SLC7A8: variants seen among roughly 807,000 people sequenced by gnomAD.
SLC7A8 encodes solute carrier family 7 member 8.
In SLC7A8, 30 loss-of-function variants were observed where a neutral mutation model predicts 51.2. That is an observed-to-expected ratio of 0.59 (90% CI 0.44 to 0.80). The LOEUF (loss-of-function observed/expected upper bound fraction) is 0.80, where lower values mean the gene tolerates loss of function less well. Ranked by LOEUF, SLC7A8 falls within the 30% of genes least tolerant of loss-of-function variation. The probability of loss-of-function intolerance (pLI) is 0.00; values close to 1 mark genes in which losing one functional copy is unlikely to be tolerated. For synonymous variants in SLC7A8, 257 were observed against 275.8 expected (o/e 0.93, Z 0.67); for missense variants, 612 against 674.4 (o/e 0.91, Z 1.03).
chr14:23,144,994 G>A (rs564078464), intron 3 of SLC7A8, among the ~76,000 whole-genome samples: 5 of 149,106 alleles, frequency 3.4e-5, no homozygotes, highest in South Asian at 4.2e-4. Flanking sequence ...GTGCAGTGGC[G>A]CGATCTCGGC....
intron 3 of SLC7A8, chr14:23,155,374 C>T (rs8011016): frequency 0.78 from 1,162,947 of 1,498,312 alleles, 455,439 homozygotes; most frequent in East Asian, 0.92. Flanking sequence ...CCCCTCCTCC[C>T]TTCCTGGCTC....
In SLC7A8 at chr14:23,127,084, G is replaced by C; in HGVS notation, c.*93C>G. 6.9e-7 allele frequency: 1 copy of C among 1,442,042 alleles called. No homozygotes were observed. The highest frequency in any genetic ancestry group is 9.6e-7 in the Non-Finnish European group (1 of 1,039,462). 89.3% of individuals were successfully genotyped at this position (1,442,042 alleles called of 1,614,324 possible). Reference sequence around the variant, plus strand: ...ACTGCCTGACAAAAGCAGAGAGAGGGGTGTGTGTGTACTCGCATGTGTTGG... The same window carrying C: ...ACTGCCTGACAAAAGCAGAGAGAGGCGTGTGTGTGTACTCGCATGTGTTGG... On this transcript the variant is annotated 3_prime_UTR_variant, in exon 11 of 11. Transcript: ENST00000316902.
chr14:23,127,665 C>T (rs149382537), intron 10 of SLC7A8, among the ~76,000 whole-genome samples: 1 of 152,194 alleles, frequency 6.6e-6, no homozygotes, highest in Non-Finnish European at 1.5e-5. Flanking sequence ...TTTTTAATAA[C>T]AGAGATGGAG....
chr14:23,143,962 C>G (rs2140315880), intron 3 of SLC7A8, among the ~76,000 whole-genome samples: 1 of 152,368 alleles, frequency 6.6e-6, no homozygotes. Context: ...GAGATCTACT[C>G]ATGTTGTTGC....
intron 1 of SLC7A8, among the ~76,000 whole-genome samples, chr14:23,169,788 T>C (rs2048967440): frequency 6.6e-6 from 1 of 152,212 alleles, no homozygotes; most frequent in Non-Finnish European, 1.5e-5. Context: ...GGTATTATTA[T>C]CCCTATTTTA....
At chr14:23,180,933 A>G (rs1877145490) in intron 1 of SLC7A8, among the ~76,000 whole-genome samples, 1 of 152,158 alleles carries the variant, frequency 6.6e-6, no homozygotes, top group African/African-American at 2.4e-5. Context: ...AGGCTGAGGC[A>G]GGAGAATGGC....
At chr14:23,156,016 G>A (rs1273395208) in intron 3 of SLC7A8, among the ~76,000 whole-genome samples, 4 of 126,814 alleles carry the variant, frequency 3.2e-5, no homozygotes, top group Non-Finnish European at 6.4e-5. Context: ...TTTTTTTTTT[G>A]AGATGGAGTT....
chr14:23,128,224 A>G lies in SLC7A8; in HGVS notation c.1264-28T>C, dbSNP rs185964500. On this transcript the variant is annotated intron_variant, in intron 9 of 10. Coordinates refer to ENST00000316902, the MANE Select transcript of SLC7A8 (RefSeq NM_012244.4). The surrounding 1 kb of genome is among the most constrained non-coding windows in gnomAD (Gnocchi z 4.3). ...GTGGAGCAGAGGCATGAGGCGTATG[A>G]ACTGTGTAGGCCACGTGGCCCCCAG... 62 of 1,613,216 alleles carry G rather than the reference A, an allele frequency of 3.8e-5. 1 individual carries two copies. In the African/African-American group the frequency reaches 6.1e-4, roughly 16 times the overall value.
At chr14:23,167,852 G>A (rs765760707) in intron 1 of SLC7A8, among the ~76,000 whole-genome samples, 1 of 152,090 alleles carries the variant, frequency 6.6e-6, no homozygotes, top group Non-Finnish European at 1.5e-5. Context: ...TAGTGGTCTG[G>A]AACCAGTGAG....
intron 3 of SLC7A8, among the ~76,000 whole-genome samples, chr14:23,158,676 A>C (rs533398260): frequency 6.6e-6 from 1 of 152,272 alleles, no homozygotes; most frequent in South Asian, 2.1e-4. Context: ...CTTGTCATCA[A>C]TGCTGGGAAC....
At chr14:23,136,879 C>T (rs918047423) in intron 7 of SLC7A8, among the ~76,000 whole-genome samples, 4 of 152,222 alleles carry the variant, frequency 2.6e-5, no homozygotes, top group Non-Finnish European at 5.9e-5. Context: ...AACATGCACA[C>T]GAGGTTGCTG....
At chr14:23,134,499 A>C (rs2048670782) in intron 7 of SLC7A8, among the ~76,000 whole-genome samples, 1 of 151,904 alleles carries the variant, frequency 6.6e-6, no homozygotes, top group African/African-American at 2.4e-5. Context: ...TAAAATTCTA[A>C]AATAGATGGA....
intron 7 of SLC7A8, among the ~76,000 whole-genome samples, chr14:23,132,846 G>T (rs2048651721): frequency 6.6e-6 from 1 of 152,036 alleles, no homozygotes; most frequent in Non-Finnish European, 1.5e-5. Context: ...ATGTTGGTCA[G>T]GCTGGTCTCG....
chr14:23,162,607 C>T (rs1395012942), intron 3 of SLC7A8, among the ~76,000 whole-genome samples: 1 of 152,132 alleles, frequency 6.6e-6, no homozygotes, highest in Non-Finnish European at 1.5e-5. Flanking sequence ...CTTGCAGTGT[C>T]TAGGTGAGGG....
intron 3 of SLC7A8, among the ~76,000 whole-genome samples, chr14:23,160,138 G>A (rs2048913741): frequency 6.6e-6 from 1 of 152,218 alleles, no homozygotes; most frequent in Admixed American, 6.5e-5. Context: ...AAAGGAAAAT[G>A]CAGAGTTGCA....
intron 7 of SLC7A8, among the ~76,000 whole-genome samples, chr14:23,133,442 A>C (rs1355911958): frequency 4.0e-5 from 1 of 25,114 alleles, no homozygotes; most frequent in African/African-American, 1.2e-4. Context: ...ACCTGTCTCA[A>C]AAAAAAAAAA....
Position 23,137,957 on chromosome 14 carries a change from AATGTGG to A in SLC7A8, c.974_979del (p.Ser325_Thr326del). ...GAAGAGAGACCCATTAACTCCTCCAAATGTGGACAGGGCAACAGAAATGGGCATGAT... is the reference window on the plus strand; with the variant it reads ...GAAGAGAGACCCATTAACTCCTCCAAACAGGGCAACAGAAATGGGCATGAT... On this transcript the variant is annotated inframe_deletion, in exon 7 of 11. Coordinates refer to ENST00000316902, the MANE Select transcript of SLC7A8 (RefSeq NM_012244.4). 6.2e-7 allele frequency: 1 copy of A among 1,613,834 alleles called. No individual in the cohort carries two copies. The highest frequency in any genetic ancestry group is 8.5e-7 in the Non-Finnish European group (1 of 1,179,966).
In SLC7A8 at chr14:23,131,999, A is replaced by ATT. The variant is rs1201371313; in HGVS notation, c.1017-444_1017-443dup. Among the ~76,000 whole-genome samples the ATT allele has an allele frequency of 6.1e-3, 599 of 98,062 alleles. 2 individuals are homozygous for ATT. Among genetic ancestry groups the ATT allele is most frequent in the African/African-American group, 9.4e-3 (242 of 25,776 alleles). The allele number at this position is 98,062 out of a possible 152,430, so 64.3% of individuals were successfully genotyped here. On this transcript the variant is annotated intron_variant, in intron 7 of 10. Transcript: ENST00000316902. ...ATATGGAAAGCTTTAAAAACACTCTATTTTTTTTTTTTTTTTTTTTTTTGA... is the reference window on the plus strand; with the variant it reads ...ATATGGAAAGCTTTAAAAACACTCTATTTTTTTTTTTTTTTTTTTTTTTTTGA...
chr14:23,178,300 T>C (rs1476317973), intron 1 of SLC7A8, among the ~76,000 whole-genome samples: 3 of 152,222 alleles, frequency 2.0e-5, no homozygotes, highest in Non-Finnish European at 4.4e-5. Flanking sequence ...TCCACGTTCA[T>C]GGTGAAATCT....
Sources: allele counts gnomAD v4.1 joint callset (sites outside exome capture counted in the v4.1 genomes callset), GRCh38; gene constraint gnomAD v4.1.1; non-coding constraint Gnocchi (gnomAD v3.1); transcripts MANE v1.5; gene names NCBI Gene and HGNC (gene_info 2026-07-23, HGNC 2026-07-21).